The following TSPAN9 variants were observed in gnomAD, a reference collection of about 807,000 sequenced individuals.
TSPAN9 encodes the protein tetraspanin-9.
In TSPAN9, 16 loss-of-function variants were observed where a neutral mutation model predicts 31.0. The observed-to-expected ratio is 0.52, with a 90% CI of 0.35 to 0.78. The LOEUF (loss-of-function observed/expected upper bound fraction) is 0.78. Among genes scored for constraint, TSPAN9 ranks in the 30% least tolerant of loss-of-function variants. The pLI is 0.01. For synonymous variants in TSPAN9, 145 were observed against 121.6 expected (o/e 1.19, Z -1.27); for missense variants, 272 against 312.5 (o/e 0.87, Z 0.98).
chr12:3,149,811 G>A (rs1219001512), intron 2 of TSPAN9: 1 of 152,224 alleles, frequency 6.6e-6, no homozygotes, highest in African/African-American at 2.4e-5. Flanking sequence ...GAAGCTCTGG[G>A]AACGGGGGCA....
chr12:3,283,017 G>T, intron 8 of TSPAN9, 28 bp from the exon 9 acceptor site: 1 of 1,604,858 alleles, frequency 6.2e-7, no homozygotes, highest in Admixed American at 1.7e-5. Flanking sequence ...TGCAGCTCCT[G>T]CCTCAGGCCC....
At chr12:3,195,419 T>G (rs996014347) in intron 2 of TSPAN9, among the ~76,000 whole-genome samples, 1 of 152,102 alleles carries the variant, frequency 6.6e-6, no homozygotes, top group African/African-American at 2.4e-5. Context: ...GTTACTTCAC[T>G]TTTTTTGTTA....
chr12:3,269,415 T>TGC, intron 3 of TSPAN9, among the ~76,000 whole-genome samples: 1 of 114,108 alleles, frequency 8.8e-6, no homozygotes, highest in Non-Finnish European at 1.9e-5. Flanking sequence ...GCCCTCCCTG[T>TGC]GTTCCTGCAG....
chr12:3,202,510 C>T (rs929248878), intron 3 of TSPAN9, among the ~76,000 whole-genome samples: 2 of 152,194 alleles, frequency 1.3e-5, no homozygotes, highest in African/African-American at 2.4e-5. Context: ...AGTCTTGGTT[C>T]TGCATTAGCT....
At position 3,229,605 on chromosome 12, in the gene TSPAN9, G is replaced by C. The variant is rs12304571; in HGVS notation, c.63+28349G>C. Among the ~76,000 whole-genome samples the C allele has an allele frequency of 1.6e-3, 248 of 152,342 alleles. 1 individual carries two copies. Among genetic ancestry groups the C allele is most frequent in the African/African-American group, 5.7e-3 (239 of 41,584 alleles). Reference sequence around the variant, plus strand: ...ACCAGGACCTATCCGTGTATTTGAGGGCTGTGGCCAAACTGAAGGCCCTAG... The same window carrying C: ...ACCAGGACCTATCCGTGTATTTGAGCGCTGTGGCCAAACTGAAGGCCCTAG... On this transcript the variant is annotated intron_variant, in intron 3 of 8. Coordinates refer to ENST00000011898, the MANE Select transcript of TSPAN9 (RefSeq NM_006675.5).
chr12:3,135,533 G>A (rs536090846), intron 2 of TSPAN9, among the ~76,000 whole-genome samples: 4 of 152,186 alleles, frequency 2.6e-5, no homozygotes, highest in Non-Finnish European at 5.9e-5. Context: ...TTCTGCCTCA[G>A]CCAGCTCATC....
At chr12:3,119,758 A>G (rs2098324220) in intron 2 of TSPAN9, among the ~76,000 whole-genome samples, 2 of 152,106 alleles carry the variant, frequency 1.3e-5, no homozygotes, top group South Asian at 2.1e-4. Flanking sequence ...CCTGTGCTGA[A>G]AGGTGTGGGT....
intron 2 of TSPAN9, among the ~76,000 whole-genome samples, chr12:3,189,902 G>A (rs2098363424): frequency 1.3e-5 from 2 of 152,126 alleles, no homozygotes; most frequent in South Asian, 4.1e-4. Context: ...GCGGGCCTTC[G>A]AGCCATAAGA....
chr12:3,126,171 T>C (rs2098327288), intron 2 of TSPAN9, among the ~76,000 whole-genome samples: 1 of 152,216 alleles, frequency 6.6e-6, no homozygotes. Context: ...CACAGGGATG[T>C]TGTGAGGGTT....
intron 2 of TSPAN9, among the ~76,000 whole-genome samples, chr12:3,094,119 C>A (rs2098306515): frequency 6.6e-6 from 1 of 152,118 alleles, no homozygotes; most frequent in Non-Finnish European, 1.5e-5. Context: ...GCTTCTGCCT[C>A]CCAAAGTGTT....
chr12:3,190,631 C>A (rs1363087727), intron 2 of TSPAN9, among the ~76,000 whole-genome samples: 1 of 152,220 alleles, frequency 6.6e-6, no homozygotes, highest in Non-Finnish European at 1.5e-5. Flanking sequence ...ACTCTTTGTC[C>A]AGGCAGACTA....
chr12:3,269,319 C>CGTTCCTGCAGCCTGCCCTCCCTGT (rs1565640112), intron 3 of TSPAN9, among the ~76,000 whole-genome samples: 1 of 21,346 alleles, frequency 4.7e-5, no homozygotes, highest in Non-Finnish European at 9.5e-5. Context: ...GCCCTCCGTG[C>CGTTCCTGCAGCCTGCCCTCCCTGT]GTTCCTGCAG....
chr12:3,096,198 A>T (rs961943050), intron 2 of TSPAN9, among the ~76,000 whole-genome samples: 2 of 152,218 alleles, frequency 1.3e-5, no homozygotes, highest in South Asian at 4.1e-4. Context: ...CAAGTCAGGA[A>T]CTAAAACATA....
At chr12:3,150,537 G>C (rs2098339251) in intron 2 of TSPAN9, among the ~76,000 whole-genome samples, 1 of 152,178 alleles carries the variant, frequency 6.6e-6, no homozygotes, top group Admixed American at 6.5e-5. Context: ...TACGCACGTT[G>C]CTGCTGGTTC....
At chr12:3,209,032 C>T (rs544681843) in intron 3 of TSPAN9, among the ~76,000 whole-genome samples, 21 of 152,038 alleles carry the variant, frequency 1.4e-4, no homozygotes, top group African/African-American at 4.6e-4. Context: ...GTCAGGAGTC[C>T]GAGACCAGCC....
intron 3 of TSPAN9, among the ~76,000 whole-genome samples, chr12:3,253,115 G>A (rs1479634859): frequency 6.6e-6 from 1 of 152,128 alleles, no homozygotes; most frequent in East Asian, 1.9e-4. Context: ...GTCCTCGGGG[G>A]TGGTGATCAA....
At chr12:3,229,112 G>A (rs954950273) in intron 3 of TSPAN9, among the ~76,000 whole-genome samples, 2 of 152,174 alleles carry the variant, frequency 1.3e-5, no homozygotes, top group Non-Finnish European at 2.9e-5. Context: ...ACATTCACAG[G>A]TTCCAGGGAT....
chr12:3,213,605 AAG>A (rs1353325202), intron 3 of TSPAN9, among the ~76,000 whole-genome samples: 6 of 152,080 alleles, frequency 3.9e-5, no homozygotes, highest in Non-Finnish European at 8.8e-5. Context: ...ATGGCAGCTA[AAG>A]AGAGCTGCAG....
intron 3 of TSPAN9, among the ~76,000 whole-genome samples, chr12:3,269,966 T>G (rs1179605322): frequency 6.6e-6 from 1 of 152,240 alleles, no homozygotes; most frequent in Admixed American, 6.5e-5. Flanking sequence ...GTTTATGGAC[T>G]GGTGAATGAT....
Sources: allele counts gnomAD v4.1 joint callset (sites outside exome capture counted in the v4.1 genomes callset), GRCh38; gene constraint gnomAD v4.1.1; transcripts MANE v1.5; gene names NCBI Gene and HGNC (gene_info 2026-07-23, HGNC 2026-07-21).